PROM1: variants seen among roughly 807,000 people sequenced by gnomAD.
PROM1 encodes the protein prominin-1.
PROM1 carries 105 observed loss-of-function variants against 116.9 expected under a neutral mutation model. That is an observed-to-expected ratio of 0.90 (90% CI 0.77 to 1.06). The LOEUF is 1.06. PROM1 is among the 50% of genes least tolerant of loss of function. The pLI is 0.00. For synonymous variants in PROM1, 393 were observed against 387.0 expected, an observed-to-expected ratio of 1.02 and a Z score of -0.18; for missense variants, 1,122 against 1,045.2, an observed-to-expected ratio of 1.07 and a Z score of -1.01.
intron 5 of PROM1, among the ~76,000 whole-genome samples, chr4:16,031,003 G>A (rs1249276135): frequency 6.6e-6 from 1 of 152,100 alleles, no homozygotes; most frequent in Non-Finnish European, 1.5e-5. Flanking sequence ...CTGTGATAGC[G>A]CCACTGCACT....
At chr4:16,038,798 G>A in intron 3 of PROM1, 148 bp downstream of exon 3, 4 of 775,654 alleles carry the variant, frequency 5.2e-6, no homozygotes, top group Non-Finnish European at 7.4e-6. Flanking sequence ...TTGTAAGGTG[G>A]TTCAATATTC....
At chr4:16,001,220 G>C (rs1723766161) in intron 13 of PROM1, among the ~76,000 whole-genome samples, 1 of 152,170 alleles carries the variant, frequency 6.6e-6, no homozygotes, top group Non-Finnish European at 1.5e-5. Flanking sequence ...CTGAACACGA[G>C]AGGTAGAGGC....
At chr4:15,982,886 A>T (rs1207148233) in intron 23 of PROM1, among the ~76,000 whole-genome samples, 2 of 152,234 alleles carry the variant, frequency 1.3e-5, no homozygotes, top group Non-Finnish European at 2.9e-5. Flanking sequence ...TCACTCAGGC[A>T]TGAAAGACCC....
intron 19 of PROM1, among the ~76,000 whole-genome samples, 162 bp from the exon 20 acceptor site, chr4:15,987,878 T>TTC (rs34264338): frequency 7.8e-5 from 1 of 12,890 alleles, no homozygotes; most frequent in Non-Finnish European, 1.7e-4. Context: ...GTGTACTTTC[T>TTC]TTTTTTTTTT....
At chr4:16,027,190 T>C (rs1188282693) in intron 5 of PROM1, among the ~76,000 whole-genome samples, 1 of 152,176 alleles carries the variant, frequency 6.6e-6, no homozygotes. Flanking sequence ...TTTGCATTGG[T>C]ATTTTGGGAG....
At chr4:16,071,137 C>G (rs16892944) in intron 2 of PROM1, among the ~76,000 whole-genome samples, 4,531 of 152,278 alleles carry the variant, frequency 0.03, 222 homozygotes, top group African/African-American at 0.1. Flanking sequence ...TTACCTCCCT[C>G]CAGACCACTA....
At chr4:16,030,803 T>G (rs931569248) in intron 5 of PROM1, among the ~76,000 whole-genome samples, 1 of 152,202 alleles carries the variant, frequency 6.6e-6, no homozygotes, top group Non-Finnish European at 1.5e-5. Context: ...CCTAGCACTT[T>G]GGGAGGTCGA....
intron 11 of PROM1, among the ~76,000 whole-genome samples, chr4:16,012,732 G>A (rs1236668270): frequency 1.3e-5 from 2 of 151,840 alleles, no homozygotes; most frequent in Non-Finnish European, 2.9e-5. Flanking sequence ...TTAGCCGGGT[G>A]TGGTGGCGGG....
At position 16,018,367 on chromosome 4, in the gene PROM1, T is replaced by A; in HGVS notation, c.958A>T (p.Arg320Ter). ...CTATTCAGCTGGCTTAGAGACAATC[T>A]GATGCTGTTGCAGGTTTCACTTGAT... ...HPSSETCNSI[R>*]LSLSQLNSNP... The change falls in exon 9 of 28, where the codon AGA becomes TGA. Residue 320 changes from arginine to a stop codon, truncating the protein, a stop_gained. Coordinates refer to ENST00000447510, the MANE Select transcript of PROM1 (RefSeq NM_006017.3). LOFTEE classifies it high-confidence loss of function. 6.2e-7 allele frequency: 1 copy of A among 1,613,714 alleles called. No individual in the cohort carries two copies. Among genetic ancestry groups the A allele is most frequent in the African/African-American group, 1.3e-5 (1 of 75,050 alleles).
intron 2 of PROM1, among the ~76,000 whole-genome samples, chr4:16,066,947 C>T (rs558155320): frequency 6.6e-6 from 1 of 152,200 alleles, no homozygotes; most frequent in East Asian, 1.9e-4. Context: ...GACCCTATTT[C>T]AGAGGGACTT....
chr4:15,999,512 T>C (rs1054461402), intron 14 of PROM1, among the ~76,000 whole-genome samples: 17 of 152,114 alleles, frequency 1.1e-4, no homozygotes, highest in Admixed American at 9.8e-4. Flanking sequence ...CTCTGCATCA[T>C]ACATATTTAA....
chr4:16,080,037 A>AAAAT (rs1744729608), intron 1 of PROM1: 1 of 148,940 alleles, frequency 6.7e-6, no homozygotes, highest in Non-Finnish European at 1.5e-5. Context: ...AAAAAAAAAA[A>AAAAT]TTTAAATTAG....
chr4:16,043,699 C>G (rs1327476433), intron 2 of PROM1, among the ~76,000 whole-genome samples: 1 of 152,176 alleles, frequency 6.6e-6, no homozygotes, highest in Non-Finnish European at 1.5e-5. Context: ...TGTACTGTAG[C>G]CCGAAATACA....
intron 13 of PROM1, among the ~76,000 whole-genome samples, chr4:16,005,488 T>A (rs1441880994): frequency 7.3e-6 from 1 of 137,564 alleles, no homozygotes; most frequent in Non-Finnish European, 1.5e-5. Context: ...AAGTTTTTTG[T>A]TTGTTTGGTG....
At chr4:15,977,706 C>G (rs1716538863) in intron 26 of PROM1, among the ~76,000 whole-genome samples, 1 of 152,222 alleles carries the variant, frequency 6.6e-6, no homozygotes, top group African/African-American at 2.4e-5. Context: ...TCAAGTGATT[C>G]TCCTGCCTCA....
intron 1 of PROM1, among the ~76,000 whole-genome samples, chr4:16,080,276 T>G (rs952363606): frequency 1.3e-5 from 2 of 151,696 alleles, no homozygotes; most frequent in Admixed American, 1.3e-4. Flanking sequence ...ATCCCAGCAT[T>G]TTGGGAGGCC....
Position 16,033,214 on chromosome 4 carries a change from T to C in PROM1, c.509+90A>G, listed in dbSNP as rs1285787192. ...TTTTTTTCATTGTTGCTATTTTGTT[T>C]AGTTTTAAACTCATGGTTTAACCAT... On this transcript the variant is annotated intron_variant, in intron 5 of 27. Coordinates refer to ENST00000447510, the MANE Select transcript of PROM1 (RefSeq NM_006017.3). 3.5e-6 allele frequency: 4 copies of C among 1,141,774 alleles called. No individual in the cohort carries two copies. In the African/African-American group the frequency reaches 4.7e-5, roughly 13 times the overall value. 70.7% of individuals were successfully genotyped at this position (1,141,774 alleles called of 1,614,324 possible).
At chr4:16,001,729 G>T (rs1387763605) in intron 13 of PROM1, among the ~76,000 whole-genome samples, 1 of 152,186 alleles carries the variant, frequency 6.6e-6, no homozygotes, top group Non-Finnish European at 1.5e-5. Flanking sequence ...GAGTCAGCAG[G>T]AGAGGAGGGC....
intron 2 of PROM1, chr4:16,055,194 A>AT: frequency 3.2e-6 from 1 of 308,280 alleles, no homozygotes; most frequent in African/African-American, 2.2e-5. Context: ...AGGCAAGACT[A>AT]TTTTCCTTGG....
Sources: gnomAD v4.1 joint callset for allele counts (sites outside exome capture counted in the v4.1 genomes callset) on GRCh38, gnomAD v4.1.1 for gene constraint, MANE v1.5 for transcripts, NCBI Gene and HGNC (gene_info 2026-07-23, HGNC 2026-07-21) for gene names.